The following PCDH9 variants were observed in gnomAD, a reference collection of about 807,000 sequenced individuals.
PCDH9 encodes protocadherin 9.
PCDH9 carries 24 observed loss-of-function variants against 70.6 expected under a neutral mutation model. The observed-to-expected ratio is 0.34, with a 90% confidence interval of 0.25 to 0.48. The LOEUF is 0.48. Ranked by LOEUF, PCDH9 falls within the 20% of genes least tolerant of loss-of-function variation. PCDH9 has a pLI of 0.99. For synonymous variants in PCDH9, 562 were observed against 558.5 expected, an observed-to-expected ratio of 1.01 and a Z score of -0.09; for missense variants, 1,281 against 1,503.6, an observed-to-expected ratio of 0.85 and a Z score of 2.45.
intron 2 of PCDH9, among the ~76,000 whole-genome samples, chr13:67,016,516 T>G (rs1402349299): frequency 1.3e-5 from 2 of 152,162 alleles, no homozygotes; most frequent in African/African-American, 2.4e-5. Flanking sequence ...AGAGAGGAAG[T>G]TATTGTGTCA....
At chr13:66,968,994 A>G (rs548460671) in intron 2 of PCDH9, among the ~76,000 whole-genome samples, 1 of 152,110 alleles carries the variant, frequency 6.6e-6, no homozygotes, top group African/African-American at 2.4e-5. Context: ...TATCACTGGA[A>G]CCCTTTAGCT....
intron 3 of PCDH9, among the ~76,000 whole-genome samples, chr13:66,656,990 A>G (rs554512673): frequency 3.9e-5 from 6 of 152,338 alleles, no homozygotes; most frequent in Admixed American, 2.6e-4. Flanking sequence ...AGTCAGAGCA[A>G]GAGGAACAAG....
chr13:66,691,815 CAT>C (rs1442067020), intron 3 of PCDH9, among the ~76,000 whole-genome samples: 1 of 152,136 alleles, frequency 6.6e-6, no homozygotes, highest in African/African-American at 2.4e-5. Flanking sequence ...TTACAAATTT[CAT>C]ATTATAGTCG....
intron 4 of PCDH9, among the ~76,000 whole-genome samples, chr13:66,585,074 G>T (rs921796856): frequency 1.3e-5 from 2 of 151,958 alleles, no homozygotes; most frequent in African/African-American, 4.8e-5. Flanking sequence ...ACTGAGGTAT[G>T]GGGGTTCATA....
At chr13:66,408,594 C>T (rs1291219367) in intron 4 of PCDH9, among the ~76,000 whole-genome samples, 2 of 152,144 alleles carry the variant, frequency 1.3e-5, no homozygotes, top group Non-Finnish European at 2.9e-5. Flanking sequence ...CTACTATAAA[C>T]ATTTGGATAG....
intron 3 of PCDH9, among the ~76,000 whole-genome samples, chr13:66,649,075 T>G (rs772698891): frequency 2.6e-5 from 4 of 151,984 alleles, no homozygotes; most frequent in Non-Finnish European, 5.9e-5. Context: ...GAAAATGGCC[T>G]AAAAAGGGCA....
intron 3 of PCDH9, among the ~76,000 whole-genome samples, chr13:66,659,972 G>C (rs771493603): frequency 3.4e-4 from 52 of 152,174 alleles, no homozygotes; most frequent in Non-Finnish European, 6.0e-4. Context: ...CGAATTCTAA[G>C]CTACACCACC....
In PCDH9 at chr13:67,053,138, A is replaced by C. The variant is rs1323907; in HGVS notation, c.3037-149533T>G. ...AAGAGTGGAACTTACATTGAGCACAATCTACAAGCAGAAAAAAATGGGAAT... is the reference window on the plus strand; with the variant it reads ...AAGAGTGGAACTTACATTGAGCACACTCTACAAGCAGAAAAAAATGGGAAT... On this transcript the variant is annotated intron_variant, in intron 2 of 4. Transcript: ENST00000377865. 5.3e-3 allele frequency among the ~76,000 whole-genome samples: 809 copies of C among 152,094 alleles called. 8 individuals carry two copies. The highest frequency in any genetic ancestry group is 0.019 in the African/African-American group (773 of 41,464).
At chr13:66,579,249 T>C (rs187823317) in intron 4 of PCDH9, among the ~76,000 whole-genome samples, 2 of 152,170 alleles carry the variant, frequency 1.3e-5, no homozygotes, top group East Asian at 3.9e-4. Flanking sequence ...ACAACTAAAA[T>C]ATAAATATAT....
chr13:67,024,262 G>T (rs2084735622), intron 2 of PCDH9, among the ~76,000 whole-genome samples: 1 of 152,094 alleles, frequency 6.6e-6, no homozygotes, highest in African/African-American at 2.4e-5. Context: ...ATTAACAAAG[G>T]TTGACCAAAA....
In PCDH9 at chr13:66,510,349, TTA is replaced by T. The variant is rs199808074; in HGVS notation, c.3340+120859_3340+120860del. On this transcript the variant is annotated intron_variant, in intron 4 of 4. Coordinates refer to ENST00000377865, the MANE Select transcript of PCDH9 (RefSeq NM_203487.3). The stretch of plus-strand genomic sequence containing the variant: ...TAGTATATTATGATTAAAAATACAT[TTA>T]TATATATATATACATATTTTTTATT... Among the ~76,000 whole-genome samples the T allele has an allele frequency of 3.5e-3, 527 of 150,746 alleles. 1 individual carries two copies. Among genetic ancestry groups the T allele is most frequent in the Non-Finnish European group, 5.3e-3 (357 of 67,634 alleles).
chr13:67,032,325 C>CTT (rs146060145), intron 2 of PCDH9, among the ~76,000 whole-genome samples: 6 of 146,686 alleles, frequency 4.1e-5, no homozygotes, highest in Middle Eastern at 3.4e-3. Flanking sequence ...ATTTTTCTGC[C>CTT]TTTTTTTTTT....
At chr13:66,644,638 C>A (rs2138973406) in intron 3 of PCDH9, among the ~76,000 whole-genome samples, 1 of 151,956 alleles carries the variant, frequency 6.6e-6, no homozygotes, top group Non-Finnish European at 1.5e-5. Flanking sequence ...ATATTTAGCT[C>A]TGAATGGGCC....
chr13:66,953,833 A>G (rs1283381816), intron 2 of PCDH9, among the ~76,000 whole-genome samples: 1 of 152,210 alleles, frequency 6.6e-6, no homozygotes, highest in Non-Finnish European at 1.5e-5. Context: ...TACATTAAAT[A>G]GGGGCCATCA....
intron 3 of PCDH9, among the ~76,000 whole-genome samples, chr13:66,890,448 C>CTTTTTT (rs36076373): frequency 8.0e-5 from 8 of 100,530 alleles, no homozygotes; most frequent in Admixed American, 1.1e-4. Context: ...GACTTCTGAA[C>CTTTTTT]TTTTTTTTTT....
intron 4 of PCDH9, among the ~76,000 whole-genome samples, chr13:66,501,264 C>T (rs1006956838): frequency 8.6e-5 from 13 of 152,040 alleles, no homozygotes; most frequent in African/African-American, 2.9e-4. Context: ...GGGAATTTCT[C>T]CTTCTTGATT....
intron 4 of PCDH9, among the ~76,000 whole-genome samples, chr13:66,557,231 T>C (rs779547674): frequency 6.6e-6 from 1 of 152,324 alleles, no homozygotes; most frequent in South Asian, 2.1e-4. Flanking sequence ...TTCAAAAACT[T>C]ACTAACATAA....
At chr13:66,515,501 G>C (rs145291835) in intron 4 of PCDH9, among the ~76,000 whole-genome samples, 3 of 151,574 alleles carry the variant, frequency 2.0e-5, no homozygotes, top group Non-Finnish European at 4.4e-5. Context: ...TATCATATAC[G>C]GTTTTAAAAA....
intron 3 of PCDH9, among the ~76,000 whole-genome samples, chr13:66,848,582 C>A (rs2081253007): frequency 6.6e-6 from 1 of 152,058 alleles, no homozygotes; most frequent in African/African-American, 2.4e-5. Flanking sequence ...CATCAGTATG[C>A]AGTTTAGATA....
Sources: gnomAD v4.1 joint callset for allele counts (sites outside exome capture counted in the v4.1 genomes callset) on GRCh38, gnomAD v4.1.1 for gene constraint, MANE v1.5 for transcripts, NCBI Gene and HGNC (gene_info 2026-07-23, HGNC 2026-07-21) for gene names.